SCN8A: variants seen among roughly 807,000 people sequenced by gnomAD.
The protein encoded by SCN8A is sodium voltage-gated channel alpha subunit 8, also known as sodium channel protein type 8 subunit alpha.
Under a neutral mutation model 184.1 loss-of-function variants are expected in SCN8A, and 30 were observed. The observed-to-expected ratio is 0.16, with a 90% CI of 0.12 to 0.22. SCN8A has a LOEUF of 0.22. Ranked by LOEUF, SCN8A falls within the 10% of genes least tolerant of loss-of-function variation. The pLI is 1.00. For missense variants in SCN8A, 1,057 were observed against 2,498.9 expected (o/e 0.42, Z 12.30); for synonymous variants, 852 against 907.0 (o/e 0.94, Z 1.09).
At position 51,702,884 on chromosome 12, in the gene SCN8A, C is replaced by A. The variant is rs371872378; in HGVS notation, c.1104C>A (p.Thr368=). 32 of 1,602,094 alleles carry A rather than the reference C, an allele frequency of 2.0e-5. No individual in the cohort carries two copies. The highest frequency in any genetic ancestry group is 2.6e-5 in the Non-Finnish European group (31 of 1,173,716). ...WAFLALFRLM[T]QDYWENLYQL... is the part of the protein sequence containing the mutation. ...TCTTGGCATTATTTCGCCTTATGAC[C>A]CAGGACTATTGGGAAAACTTGTATC... The change falls in exon 9 of 27, where the codon ACC becomes ACA. Residue 368 remains threonine (T), a synonymous_variant. Coordinates refer to ENST00000627620, the MANE Select transcript of SCN8A (RefSeq NM_001330260.2).
rs1162620379 is a variant in SCN8A, at chr12:51,699,753, C to T, written c.890C>T (p.Thr297Ile). 6.2e-7 allele frequency: 1 copy of T among 1,613,748 alleles called. No individual in the cohort carries two copies. The highest frequency in any genetic ancestry group is 1.7e-5 in the Admixed American group (1 of 60,006). Residue 297 changes from threonine to isoleucine, a missense_variant, in exon 7 of 27, where the codon ACC (threonine) becomes ATC (isoleucine). Coordinates refer to ENST00000627620, the MANE Select transcript of SCN8A (RefSeq NM_001330260.2). ...NFNESYLENG[T>I]KGFDWEEYIN... ...AACGAGAGCTATCTTGAAAATGGCA[C>T]CAAAGGCTTTGATTGGGAAGAGTAT...
At chr12:51,649,412 T>G (rs1032037824) in intron 1 of SCN8A, among the ~76,000 whole-genome samples, 26 of 152,232 alleles carry the variant, frequency 1.7e-4, no homozygotes, top group African/African-American at 6.0e-4. Flanking sequence ...ACATTTCCCC[T>G]CTACACTGCC....
intron 11 of SCN8A, among the ~76,000 whole-genome samples, chr12:51,713,765 C>G (rs2138765293): frequency 6.6e-6 from 1 of 152,120 alleles, no homozygotes; most frequent in African/African-American, 2.4e-5. Context: ...ACTTTCTGGT[C>G]TTAGGACCCC....
intron 1 of SCN8A, among the ~76,000 whole-genome samples, chr12:51,636,047 T>G (rs975891792): frequency 1.6e-4 from 25 of 152,176 alleles, no homozygotes; most frequent in African/African-American, 5.1e-4. Context: ...CAGGCTGGAG[T>G]GCAATGGCGC....
In SCN8A at chr12:51,770,636, T is replaced by C. The variant is rs1565918825; in HGVS notation, c.3598T>C (p.Phe1200Leu). Reference sequence around the variant, plus strand: ...CTTCCTCATCGTGGAGCACAACTGGTTTGAGACCTTCATCATCTTCATGAT... The same window carrying C: ...CTTCCTCATCGTGGAGCACAACTGGCTTGAGACCTTCATCATCTTCATGAT... ...TCFLIVEHNW[F>L]ETFIIFMILL... is the part of the protein sequence containing the mutation. Residue 1200 changes from phenylalanine (F) to leucine (L), a missense_variant, in exon 19 of 27, where the codon TTT becomes CTT. Phe to Leu is a conservative substitution (Grantham distance 22). Around this residue, in one of 19 missense-constraint regions of SCN8A, gnomAD observed 43 missense variants for 118.4 expected, o/e 0.36. Coordinates refer to ENST00000627620, the MANE Select transcript of SCN8A (RefSeq NM_001330260.2). The C allele has an allele frequency of 6.2e-7, 1 of 1,613,916 alleles. No individual in the cohort carries two copies. Among genetic ancestry groups the C allele is most frequent in the Non-Finnish European group, 8.5e-7 (1 of 1,179,992 alleles).
chr12:51,714,747 C>T (rs1941938404), intron 11 of SCN8A, among the ~76,000 whole-genome samples: 1 of 152,152 alleles, frequency 6.6e-6, no homozygotes, highest in Non-Finnish European at 1.5e-5. Flanking sequence ...ACGTGTATCC[C>T]CTGAGATCCC....
chr12:51,694,709 G>A (rs1388639002), intron 6 of SCN8A, among the ~76,000 whole-genome samples: 2 of 152,112 alleles, frequency 1.3e-5, no homozygotes, highest in African/African-American at 4.8e-5. Context: ...GTGATGTTGT[G>A]AGCCAATAGA....
intron 1 of SCN8A, among the ~76,000 whole-genome samples, chr12:51,640,626 A>G (rs185775344): frequency 2.0e-5 from 3 of 152,306 alleles, no homozygotes; most frequent in East Asian, 3.9e-4. Flanking sequence ...GAGAACGTCT[A>G]TTAATAGGTT....
rs1250943114 is a variant in SCN8A, at chr12:51,667,373, A to AT, written c.276+4291dup. On this transcript the variant is annotated intron_variant, in intron 2 of 26. Transcript: ENST00000627620. ...TTGTTTTTTGTTTTTACTTACTATTATTTTTTTTTTTGGAGACAGAGTCTA... is the reference window on the plus strand; with the variant it reads ...TTGTTTTTTGTTTTTACTTACTATTATTTTTTTTTTTTGGAGACAGAGTCTA... Among the ~76,000 whole-genome samples the AT allele has an allele frequency of 2.5e-3, 368 of 146,274 alleles. 3 individuals are homozygous for AT. Among genetic ancestry groups the AT allele is most frequent in the Non-Finnish European group, 2.1e-3 (141 of 66,188 alleles).
intron 19 of SCN8A, among the ~76,000 whole-genome samples, chr12:51,772,011 C>T (rs1355719484): frequency 6.6e-6 from 1 of 152,150 alleles, no homozygotes; most frequent in African/African-American, 2.4e-5. Context: ...TTACTGCTCA[C>T]CTTTGACAGT....
chr12:51,770,509 G>C lies in SCN8A; in HGVS notation c.3491-20G>C. On this transcript the variant is annotated intron_variant, in intron 18 of 26. Coordinates refer to ENST00000627620, the MANE Select transcript of SCN8A (RefSeq NM_001330260.2). ...GGGGCACGTTTCCACGGTCTGACCC[G>C]CCTCTCCCGCTGGTGCCAGGTTGTG... 1.9e-6 allele frequency: 3 copies of C among 1,567,256 alleles called. No individual in the cohort carries two copies. The highest frequency in any genetic ancestry group is 2.6e-6 in the Non-Finnish European group (3 of 1,154,440).
At chr12:51,762,129 T>G (rs532795128) in intron 14 of SCN8A, among the ~76,000 whole-genome samples, 1 of 152,258 alleles carries the variant, frequency 6.6e-6, no homozygotes, top group South Asian at 2.1e-4. Context: ...ATAACGCGAG[T>G]GATTTTTTTA....
chr12:51,651,819 T>G (rs987320525), intron 1 of SCN8A, among the ~76,000 whole-genome samples: 1 of 152,208 alleles, frequency 6.6e-6, no homozygotes, highest in Non-Finnish European at 1.5e-5. Context: ...CACTGAGAGC[T>G]CCTAGGATTG....
At chr12:51,660,885 T>C (rs1940912097) in intron 1 of SCN8A, among the ~76,000 whole-genome samples, 1 of 151,328 alleles carries the variant, frequency 6.6e-6, no homozygotes, top group Non-Finnish European at 1.5e-5. Context: ...TGTGGAGGAG[T>C]AGGGATTTAT....
At chr12:51,629,735 C>T (rs1344400562) in intron 1 of SCN8A, among the ~76,000 whole-genome samples, 1 of 151,874 alleles carries the variant, frequency 6.6e-6, no homozygotes, top group African/African-American at 2.4e-5. Flanking sequence ...TTGGAATTAG[C>T]AGGATATTCT....
intron 11 of SCN8A, among the ~76,000 whole-genome samples, chr12:51,715,835 C>T (rs1041537128): frequency 1.3e-5 from 2 of 152,086 alleles, no homozygotes; most frequent in African/African-American, 4.8e-5. Flanking sequence ...GAAGCAGTGA[C>T]CCCGTGCAGG....
In SCN8A at chr12:51,794,472, G is replaced by A; in HGVS notation, c.4626G>A (p.Glu1542=). ...ICLNMVTMMV[E]TDTQSKQMEN... Reference sequence around the variant, plus strand: ...TTAACATGGTGACAATGATGGTGGAGACAGACACTCAAAGCAAGCAGATGG... The same window carrying A: ...TTAACATGGTGACAATGATGGTGGAAACAGACACTCAAAGCAAGCAGATGG... The change falls in exon 26 of 27, where the codon GAG becomes GAA. Residue 1542 remains glutamate, a synonymous_variant. Coordinates refer to ENST00000627620, the MANE Select transcript of SCN8A (RefSeq NM_001330260.2). The A allele has an allele frequency of 1.2e-6, 2 of 1,614,034 alleles. No homozygotes were observed. Among genetic ancestry groups the A allele is most frequent in the Non-Finnish European group, 8.5e-7 (1 of 1,179,892 alleles).
rs760662571 is a variant in SCN8A at position 51,807,312 on chromosome 12, C to G, written c.5826C>G (p.Ala1942=). 2 of 1,613,912 alleles carry G rather than the reference C, an allele frequency of 1.2e-6. No individual in the cohort carries two copies. Among genetic ancestry groups the G allele is most frequent in the Non-Finnish European group, 1.7e-6 (2 of 1,179,860 alleles). Residue 1942 remains alanine (A), a synonymous_variant, in exon 27 of 27, where the codon GCC becomes GCG. Transcript: ENST00000627620. The surrounding 1 kb of genome is among the most constrained non-coding windows in gnomAD (Gnocchi z 4.5). ...REKKESTPST[A]SLPSYDSVTK... The stretch of plus-strand genomic sequence containing the variant: ...AAAAAGAGAGCACCCCATCTACAGC[C>G]TCCCTCCCGTCCTATGACAGTGTAA...
At chr12:51,765,637 T>C (rs200720591) in intron 15 of SCN8A, 34 bp from the exon 16 acceptor site, 2 of 1,243,588 alleles carry the variant, frequency 1.6e-6, no homozygotes, top group South Asian at 1.5e-5. Flanking sequence ...TTGAGTATCA[T>C]TTATTTTTTT....
Sources: gnomAD v4.1 joint callset for allele counts (sites outside exome capture counted in the v4.1 genomes callset) on GRCh38, gnomAD v4.1.1 for gene constraint, gnomAD v4.1.1 regional missense constraint, Gnocchi (gnomAD v3.1) non-coding constraint, MANE v1.5 for transcripts, NCBI Gene and HGNC (gene_info 2026-07-23, HGNC 2026-07-21) for gene names.